Variants in METRNL observed in about 807,000 individuals in gnomAD.
METRNL encodes the protein meteorin like, glial cell differentiation regulator, also known as meteorin-like protein.
Under a neutral mutation model 17.4 loss-of-function variants are expected in METRNL, and 9 were observed. The ratio of observed to expected loss-of-function variants is 0.52; its 90% confidence interval spans 0.31 to 0.90. The LOEUF (loss-of-function observed/expected upper bound fraction) is 0.90, where lower values mean the gene tolerates loss of function less well. Ranked by LOEUF, METRNL falls within the 40% of genes least tolerant of loss-of-function variation. METRNL has a pLI of 0.05. For synonymous variants in METRNL, 215 were observed against 199.3 expected (o/e 1.08, Z -0.66); for missense variants, 408 against 430.7 (o/e 0.95, Z 0.47).
At chr17:83,089,156 G>C (rs927799895) in intron 2 of METRNL, among the ~76,000 whole-genome samples, 1 of 152,108 alleles carries the variant, frequency 6.6e-6, no homozygotes, top group Non-Finnish European at 1.5e-5. Context: ...CGGTGATGAT[G>C]GTGGCCTTGA....
In METRNL at chr17:83,094,249, C is replaced by T. The variant is rs370676675; in HGVS notation, c.617-7C>T. On this transcript the variant is annotated splice_region_variant and splice_polypyrimidine_tract_variant and intron_variant, in intron 3 of 3. Coordinates refer to ENST00000320095, the MANE Select transcript of METRNL (RefSeq NM_001004431.3). ...CACTCCCTGTCCCCATCTCCTTCCCCGCACAGCCGTTCGAGGCTCCATCCA... is the reference window on the plus strand; with the variant it reads ...CACTCCCTGTCCCCATCTCCTTCCCTGCACAGCCGTTCGAGGCTCCATCCA... 30 of 1,556,680 alleles carry T rather than the reference C, an allele frequency of 1.9e-5. No individual in the cohort carries two copies. Among genetic ancestry groups the T allele is most frequent in the South Asian group, 1.8e-4 (15 of 83,566 alleles).
Position 83,094,324 on chromosome 17 carries a change from G to C in METRNL, c.685G>C (p.Val229Leu). Residue 229 changes from valine (V) to leucine (L), a missense_variant, in exon 4 of 4, where the codon GTG becomes CTG. By Grantham distance (32) the Val-to-Leu change is conservative. Coordinates refer to ENST00000320095, the MANE Select transcript of METRNL (RefSeq NM_001004431.3). ...GCAGGACTCAGCCATCCACCTGCGC[G>C]TGAGCAGACTCTATCGGCAGAAAAG... ...ERQDSAIHLR[V>L]SRLYRQKSRV... The C allele has an allele frequency of 4.4e-6, 7 of 1,608,238 alleles. No homozygotes were observed. Among genetic ancestry groups the C allele is most frequent in the Non-Finnish European group, 5.1e-6 (6 of 1,176,562 alleles).
intron 1 of METRNL, chr17:83,084,731 A>G (rs2038029459): frequency 1.1e-5 from 6 of 552,362 alleles, no homozygotes; most frequent in Non-Finnish European, 1.9e-5. Context: ...ACTGGAAGGA[A>G]CTGGGTGGGG....
chr17:83,084,783 G>A (rs1172226879), intron 1 of METRNL, 155 bp from the exon 2 acceptor site: 5 of 908,184 alleles, frequency 5.5e-6, no homozygotes, highest in African/African-American at 3.5e-5. Flanking sequence ...CCTGCCTCAC[G>A]GGCAGGGGTC....
intron 2 of METRNL, among the ~76,000 whole-genome samples, chr17:83,090,862 G>T (rs2038125129): frequency 6.6e-6 from 1 of 152,068 alleles, no homozygotes; most frequent in East Asian, 1.9e-4. Context: ...TTCCGGACGT[G>T]AGTGGTGGTC....
At chr17:83,090,671 C>T (rs1047064185) in intron 2 of METRNL, among the ~76,000 whole-genome samples, 2 of 150,844 alleles carry the variant, frequency 1.3e-5, no homozygotes, top group African/African-American at 4.9e-5. Context: ...GGACTGGGGT[C>T]ACCACGCTTC....
At chr17:83,091,033 G>C (rs922787083) in intron 2 of METRNL, among the ~76,000 whole-genome samples, 6 of 152,154 alleles carry the variant, frequency 3.9e-5, no homozygotes, top group African/African-American at 1.4e-4. Context: ...GCGGCTTCCA[G>C]CTTGGGGGTC....
chr17:83,093,622 C>T (rs1027322866), intron 3 of METRNL, among the ~76,000 whole-genome samples: 1 of 152,228 alleles, frequency 6.6e-6, no homozygotes, highest in Non-Finnish European at 1.5e-5. Flanking sequence ...CACCAGAGTT[C>T]ACGCTGTTCC....
chr17:83,091,215 G>A (rs2038131936), intron 2 of METRNL, among the ~76,000 whole-genome samples: 1 of 151,616 alleles, frequency 6.6e-6, no homozygotes, highest in South Asian at 2.1e-4. Context: ...CCGGCCTCGA[G>A]GCGCCCCCAG....
chr17:83,087,695 C>T lies in METRNL; in HGVS notation c.556+2372C>T, dbSNP rs192810006. Among the ~76,000 whole-genome samples, 566 of 152,310 alleles carry T rather than the reference C, an allele frequency of 3.7e-3. 3 individuals are homozygous for T. Among genetic ancestry groups the T allele is most frequent in the Non-Finnish European group, 5.8e-3 (393 of 68,030 alleles). On this transcript the variant is annotated intron_variant, in intron 2 of 3. Coordinates refer to ENST00000320095, the MANE Select transcript of METRNL (RefSeq NM_001004431.3). ...CCCCAGCACTCTCCGGCCAGCGCCGCGGTTTCCCTTGCCTCCCGTTCCTGC... is the reference window on the plus strand; with the variant it reads ...CCCCAGCACTCTCCGGCCAGCGCCGTGGTTTCCCTTGCCTCCCGTTCCTGC...
chr17:83,090,527 C>G (rs1469497284), intron 2 of METRNL, among the ~76,000 whole-genome samples: 2 of 103,118 alleles, frequency 1.9e-5, no homozygotes, highest in South Asian at 7.3e-4. Flanking sequence ...ACACACACCC[C>G]CGACTGTGCT....
Position 83,085,047 on chromosome 17 carries a change from C to T in METRNL, c.280C>T (p.Arg94Trp), listed in dbSNP as rs201383910. ...AACAGGTGCTCTCATCGTTAACCTG[C>T]GGCCCAACACCTTCTCGCCTGCCCG... The part of the protein sequence containing the change: ...YPTGALIVNL[R>W]PNTFSPARHL... The change falls in exon 2 of 4, where the codon CGG becomes TGG. Residue 94 changes from arginine to tryptophan, a missense_variant. Arg to Trp is a moderately radical substitution (Grantham distance 101). Transcript: ENST00000320095. The T allele has an allele frequency of 7.4e-6, 12 of 1,613,834 alleles. No individual in the cohort carries two copies. The highest frequency in any genetic ancestry group is 4.0e-5 in the African/African-American group (3 of 74,952).
intron 2 of METRNL, among the ~76,000 whole-genome samples, chr17:83,086,295 G>A (rs909092765): frequency 2.0e-5 from 3 of 152,234 alleles, no homozygotes; most frequent in Non-Finnish European, 2.9e-5. Flanking sequence ...TACAGAGTGA[G>A]TGTAGGACCG....
At chr17:83,080,569 C>G (rs1206099887) in intron 1 of METRNL, among the ~76,000 whole-genome samples, 3 of 126,378 alleles carry the variant, frequency 2.4e-5, no homozygotes, top group East Asian at 2.8e-4. Context: ...TGGGCGACCC[C>G]CCCCCCCCCC....
intron 2 of METRNL, among the ~76,000 whole-genome samples, chr17:83,086,463 T>C (rs1016041976): frequency 4.6e-5 from 7 of 152,174 alleles, no homozygotes; most frequent in African/African-American, 1.7e-4. Flanking sequence ...GGCCTTTATC[T>C]TGGTCACCAA....
intron 2 of METRNL, among the ~76,000 whole-genome samples, chr17:83,087,821 C>CG (rs2038069989): frequency 1.3e-5 from 2 of 152,132 alleles, no homozygotes; most frequent in African/African-American, 4.8e-5. Flanking sequence ...GCACGACCCA[C>CG]GGGAGGTGGA....
intron 2 of METRNL, among the ~76,000 whole-genome samples, chr17:83,090,831 C>A (rs1015779089): frequency 6.6e-6 from 1 of 152,024 alleles, no homozygotes; most frequent in African/African-American, 2.4e-5. Flanking sequence ...TTGAGATCCC[C>A]CAGTGCTCCC....
chr17:83,091,482 C>T (rs1349377642), intron 2 of METRNL, among the ~76,000 whole-genome samples: 1 of 152,228 alleles, frequency 6.6e-6, no homozygotes, highest in Non-Finnish European at 1.5e-5. Flanking sequence ...CCGTTGACCA[C>T]ATGTGCAGGC....
At chr17:83,081,438 G>A (rs1232324122) in intron 1 of METRNL, among the ~76,000 whole-genome samples, 3 of 152,102 alleles carry the variant, frequency 2.0e-5, no homozygotes, top group African/African-American at 7.2e-5. Context: ...CTGTGTGCCC[G>A]GTAGGAGGGG....
Sources: allele counts gnomAD v4.1 joint callset (sites outside exome capture counted in the v4.1 genomes callset), GRCh38; gene constraint gnomAD v4.1.1; transcripts MANE v1.5; gene names NCBI Gene and HGNC (gene_info 2026-07-23, HGNC 2026-07-21).